The following MIB1 variants were observed in gnomAD, a reference collection of about 807,000 sequenced individuals.
MIB1 encodes the protein E3 ubiquitin-protein ligase MIB1.
MIB1 carries 278 observed loss-of-function variants against 124.5 expected under a neutral mutation model. That is an observed-to-expected ratio of 2.23 (90% confidence interval 2.02 to 2.47). The LOEUF is 2.47. Ranked by LOEUF, MIB1 falls within the 30% of genes most tolerant of loss-of-function variation. The probability of loss-of-function intolerance (pLI) is 0.00; values close to 1 mark genes in which losing one functional copy is unlikely to be tolerated. For missense variants in MIB1, 957 were observed against 1,254.4 expected (o/e 0.76, Z 3.58); for synonymous variants, 446 against 429.4 (o/e 1.04, Z -0.48).
chr18:21,837,903 T>C (rs2042048557), intron 12 of MIB1, among the ~76,000 whole-genome samples: 1 of 152,214 alleles, frequency 6.6e-6, no homozygotes, highest in African/African-American at 2.4e-5. Context: ...CTAAAAATTA[T>C]TATCTGGCTG....
At chr18:21,774,580 A>C (rs886828827) in intron 4 of MIB1, among the ~76,000 whole-genome samples, 4 of 152,212 alleles carry the variant, frequency 2.6e-5, no homozygotes, top group Non-Finnish European at 5.9e-5. Flanking sequence ...TAGGTAATGG[A>C]GTGAGACTGT....
chr18:21,725,789 A>G (rs199666439), intron 1 of MIB1, among the ~76,000 whole-genome samples: 2 of 77,362 alleles, frequency 2.6e-5, no homozygotes, highest in East Asian at 5.0e-4. Flanking sequence ...GAGAGAGGGA[A>G]GGAAGGAAGG....
At chr18:21,769,407 A>T (rs1315312645) in intron 3 of MIB1, among the ~76,000 whole-genome samples, 1 of 152,232 alleles carries the variant, frequency 6.6e-6, no homozygotes, top group Non-Finnish European at 1.5e-5. Flanking sequence ...AAAACGGTAC[A>T]GTGGAAGTAG....
intron 13 of MIB1, among the ~76,000 whole-genome samples, chr18:21,840,646 TA>T (rs2042076068): frequency 1.6e-3 from 7 of 4,402 alleles, no homozygotes; most frequent in Middle Eastern, 0.1. Flanking sequence ...TATATATATA[TA>T]TATATATATA....
intron 4 of MIB1, among the ~76,000 whole-genome samples, chr18:21,777,226 C>T (rs1452712066): frequency 6.6e-6 from 1 of 152,006 alleles, no homozygotes; most frequent in African/African-American, 2.4e-5. Context: ...TGAGACCAGC[C>T]TGGCCAAAGT....
At position 21,857,146 on chromosome 18, in the gene MIB1, GAA is replaced by G; in HGVS notation, c.2686_2687del (p.Lys896ValfsTer9). 1 of 1,613,996 alleles carries G rather than the reference GAA, an allele frequency of 6.2e-7. No homozygotes were observed. Among genetic ancestry groups the G allele is most frequent in the Non-Finnish European group, 8.5e-7 (1 of 1,179,854 alleles). On this transcript the variant is annotated frameshift_variant, in exon 19 of 21. Transcript: ENST00000261537. LOFTEE classifies it high-confidence loss of function. ...CACENCANLM[K>X]KCVQCRAVVE... is the part of the protein sequence containing the mutation. ...GTTTTCCAGACTGTGCTAACCTGAT[GAA>G]AAAGTGTGTGCAGTGTCGAGCAGTA...
intron 12 of MIB1, among the ~76,000 whole-genome samples, chr18:21,824,523 GTGTTTTCTC>G (rs2041907636): frequency 6.6e-6 from 1 of 152,092 alleles, no homozygotes; most frequent in Non-Finnish European, 1.5e-5. Flanking sequence ...TACTTAGAGT[GTGTTTTCTC>G]TAATGTATGC....
At chr18:21,724,875 G>A (rs1451270213) in intron 1 of MIB1, among the ~76,000 whole-genome samples, 2 of 144,952 alleles carry the variant, frequency 1.4e-5, no homozygotes, top group Non-Finnish European at 3.0e-5. Context: ...GGCGGATCAC[G>A]AGGTCAGGAG....
upstream of MIB1, among the ~76,000 whole-genome samples, chr18:21,740,337 A>G (rs1201848128): frequency 6.6e-6 from 1 of 152,212 alleles, no homozygotes; most frequent in Non-Finnish European, 1.5e-5. Flanking sequence ...CACCTTCTAA[A>G]AGTCTTTACC....
chr18:21,834,686 A>G (rs958180746), intron 12 of MIB1, among the ~76,000 whole-genome samples: 1 of 152,222 alleles, frequency 6.6e-6, no homozygotes, highest in African/African-American at 2.4e-5. Context: ...TAGTCTACAC[A>G]ATATCCCATT....
intron 1 of MIB1, among the ~76,000 whole-genome samples, chr18:21,714,086 A>G (rs1034641428): frequency 2.0e-5 from 3 of 152,204 alleles, no homozygotes; most frequent in Non-Finnish European, 4.4e-5. Flanking sequence ...TGGTGAATGC[A>G]GTTCATATCC....
upstream of MIB1, among the ~76,000 whole-genome samples, chr18:21,739,950 C>A (rs536044063): frequency 5.3e-3 from 808 of 151,050 alleles, 2 homozygotes; most frequent in African/African-American, 1.0e-2. Context: ...ACAAAAAAAA[C>A]CAAACAAAAA....
intron 7 of MIB1, among the ~76,000 whole-genome samples, chr18:21,792,254 G>T (rs1285638520): frequency 1.3e-5 from 2 of 151,956 alleles, no homozygotes; most frequent in African/African-American, 4.8e-5. Flanking sequence ...GTCTCATCCA[G>T]CCTCTCAGTT....
chr18:21,709,039 G>C (rs1210793437), intron 1 of MIB1, among the ~76,000 whole-genome samples: 1 of 152,108 alleles, frequency 6.6e-6, no homozygotes, highest in Non-Finnish European at 1.5e-5. Context: ...TGGCGAGGCC[G>C]GGCGCGGTGG....
At chr18:21,836,527 T>C (rs555907721) in intron 12 of MIB1, among the ~76,000 whole-genome samples, 2 of 152,314 alleles carry the variant, frequency 1.3e-5, no homozygotes, top group African/African-American at 4.8e-5. Flanking sequence ...TTGGAACTTA[T>C]CCTGTAATTT....
chr18:21,817,359 A>G (rs937186868), intron 11 of MIB1, among the ~76,000 whole-genome samples: 5 of 151,834 alleles, frequency 3.3e-5, no homozygotes, highest in African/African-American at 4.8e-5. Flanking sequence ...TTCTGGTCTC[A>G]AGCAATCTTC....
At chr18:21,806,759 G>A (rs570927325) in intron 10 of MIB1, among the ~76,000 whole-genome samples, 1 of 152,006 alleles carries the variant, frequency 6.6e-6, no homozygotes, top group African/African-American at 2.4e-5. Context: ...GAGTAGCTGG[G>A]ACTACAGGCG....
rs568662016 is a variant in MIB1, at chr18:21,821,880, C to T, written c.1829+2234C>T. On this transcript the variant is annotated intron_variant, in intron 12 of 20. Coordinates refer to ENST00000261537, the MANE Select transcript of MIB1 (RefSeq NM_020774.4). ...CCTCCCAAAGTGCTGGGATTACAGG[C>T]GTGAGCCACCGCGCCCTTCCTCTGT... Among the ~76,000 whole-genome samples the T allele has an allele frequency of 2.0e-4, 30 of 152,226 alleles. No individual in the cohort carries two copies. In the South Asian group the frequency reaches 3.3e-3, roughly 17 times the overall value.
intron 6 of MIB1, among the ~76,000 whole-genome samples, chr18:21,783,189 G>A (rs866068339): frequency 6.6e-6 from 1 of 150,988 alleles, no homozygotes; most frequent in Non-Finnish European, 1.5e-5. Context: ...CTTGTAGGGA[G>A]CACAGGGTTG....
Sources: gnomAD v4.1 joint callset for allele counts (sites outside exome capture counted in the v4.1 genomes callset) on GRCh38, gnomAD v4.1.1 for gene constraint, MANE v1.5 for transcripts, NCBI Gene and HGNC (gene_info 2026-07-23, HGNC 2026-07-21) for gene names.